The following TGM1 variants were observed in gnomAD, a reference collection of about 807,000 sequenced individuals.
The protein encoded by TGM1 is protein-glutamine gamma-glutamyltransferase K.
A neutral mutation model predicts 88.7 loss-of-function variants in TGM1; 63 were observed. That is an observed-to-expected ratio of 0.71 (90% CI 0.58 to 0.88). The LOEUF is 0.88. Ranked by LOEUF, TGM1 falls within the 40% of genes least tolerant of loss-of-function variation. The pLI is 0.00. For missense variants in TGM1, 996 were observed against 1,118.0 expected, an observed-to-expected ratio of 0.89 and a Z score of 1.56; for synonymous variants, 415 against 431.1, an observed-to-expected ratio of 0.96 and a Z score of 0.46.
At position 24,259,552 on chromosome 14, in the gene TGM1, G is replaced by A; in HGVS notation, c.984+152C>T. On this transcript the variant is annotated intron_variant, in intron 6 of 14. Transcript: ENST00000206765. This position sits in a 1 kb window ranked among gnomAD's most constrained non-coding sequence, Gnocchi z 5.7. ...GGTGGGGGGCAGGCAAGGGAGAGAA[G>A]AGGAGGGAGACCCCTTCCTGAAGTA... 1 of 745,808 alleles carries A rather than the reference G, an allele frequency of 1.3e-6. No homozygotes were observed. The highest frequency in any genetic ancestry group is 2.3e-6 in the Non-Finnish European group (1 of 431,140). The allele number at this position is 745,808 out of a possible 1,614,324, so 46.2% of individuals were successfully genotyped here.
At chr14:24,262,865 C>T (rs1234552201) in intron 1 of TGM1, among the ~76,000 whole-genome samples, 1 of 152,254 alleles carries the variant, frequency 6.6e-6, no homozygotes, top group Non-Finnish European at 1.5e-5. Flanking sequence ...CCTTGGCATT[C>T]CCAAGTCAGG....
At chr14:24,258,442 AG>A in intron 8 of TGM1, 54 bp from the exon 9 acceptor site, 1 of 1,612,846 alleles carries the variant, frequency 6.2e-7, no homozygotes, top group Non-Finnish European at 8.5e-7. Context: ...AGGAGTCCTC[AG>A]TTTCCCCAGC....
chr14:24,255,238 C>A lies in TGM1; in HGVS notation c.1661G>T (p.Arg554Leu), dbSNP rs372839534. The change falls in exon 12 of 15, where the codon CGG (arginine) becomes CTG (leucine). Residue 554 changes from arginine to leucine, a missense_variant. Coordinates refer to ENST00000206765, the MANE Select transcript of TGM1 (RefSeq NM_000359.3). The surrounding 1 kb of genome is among the most constrained non-coding windows in gnomAD (Gnocchi z 4.0). ...YKHPEGSDAE[R>L]KAVETAAAHG... ...GGCTGCTGCTGTCTCTACTGCCTTC[C>A]GCTCTGCGTCTGAGCCTGGGGGTTG... is the stretch of plus-strand genomic sequence containing the variant. 37 of 1,613,800 alleles carry A rather than the reference C, an allele frequency of 2.3e-5. 2 individuals are homozygous for A. In the South Asian group the frequency reaches 3.8e-4, roughly 17 times the overall value.
chr14:24,250,060 T>G lies in TGM1; in HGVS notation c.2226-519A>C, dbSNP rs544552839. 2.2e-4 allele frequency among the ~76,000 whole-genome samples: 34 copies of G among 151,912 alleles called. No homozygotes were observed. The South Asian group carries it at 6.3e-3, about 28-fold the overall frequency. Reference sequence around the variant, plus strand: ...AGAGCATTTTCACACACCAAAACATTAGAAGGATGTTATCTTTGAAAAAAA... The same window carrying G: ...AGAGCATTTTCACACACCAAAACATGAGAAGGATGTTATCTTTGAAAAAAA... On this transcript the variant is annotated intron_variant, in intron 14 of 14. Coordinates refer to ENST00000206765, the MANE Select transcript of TGM1 (RefSeq NM_000359.3).
Position 24,259,574 on chromosome 14 carries a change from A to G in TGM1, c.984+130T>C. On this transcript the variant is annotated intron_variant, in intron 6 of 14. Transcript: ENST00000206765. This position sits in a 1 kb window ranked among gnomAD's most constrained non-coding sequence, Gnocchi z 5.7. ...GAAGAGGAGGGAGACCCCTTCCTGA[A>G]GTATCCTTTACGAGGGCAGGGACAG... 1.2e-6 allele frequency: 1 copy of G among 810,210 alleles called. No individual in the cohort carries two copies. Among genetic ancestry groups the G allele is most frequent in the Non-Finnish European group, 2.1e-6 (1 of 484,958 alleles). 50.2% of individuals were successfully genotyped at this position (810,210 alleles called of 1,614,324 possible).
At chr14:24,251,719 C>T (rs41293840) in intron 14 of TGM1, among the ~76,000 whole-genome samples, 1 of 152,316 alleles carries the variant, frequency 6.6e-6, no homozygotes, top group East Asian at 1.9e-4. Context: ...GCCATTTAAA[C>T]CATACACACA....
Position 24,254,658 on chromosome 14 carries a change from A to C in TGM1, c.2088+6T>G. 6.2e-7 allele frequency: 1 copy of C among 1,613,738 alleles called. No individual in the cohort carries two copies. Among genetic ancestry groups the C allele is most frequent in the Non-Finnish European group, 8.5e-7 (1 of 1,180,024 alleles). On this transcript the variant is annotated splice_donor_region_variant and intron_variant, in intron 13 of 14. Coordinates refer to ENST00000206765, the MANE Select transcript of TGM1 (RefSeq NM_000359.3). ...CACCCCTCATGCCCCAGCAAACTGCATTCACCGTGAGGGAGAGGTCTGGGG... is the reference window on the plus strand; with the variant it reads ...CACCCCTCATGCCCCAGCAAACTGCCTTCACCGTGAGGGAGAGGTCTGGGG...
rs1184152181 is a variant in TGM1, at chr14:24,260,039, G to T, written c.777C>A (p.Asp259Glu). Residue 259 changes from aspartate to glutamate, a missense_variant, in exon 5 of 15, where the codon GAC becomes GAA. By Grantham distance (45) the Asp-to-Glu change is conservative. Transcript: ENST00000206765. ...PWCPEDIVYV[D>E]HEDWRQEYVL... is the part of the protein sequence containing the mutation. ...CATACTCCTGCCGCCAATCCTCATG[G>T]TCCACGTACACAATGTCCTCTGTGT... 1 of 1,614,120 alleles carries T rather than the reference G, an allele frequency of 6.2e-7. No individual in the cohort carries two copies. Among genetic ancestry groups the T allele is most frequent in the Non-Finnish European group, 8.5e-7 (1 of 1,180,002 alleles).
chr14:24,261,957 C>T (rs558026698), intron 2 of TGM1, 74 bp from the exon 3 acceptor site: 3 of 1,609,892 alleles, frequency 1.9e-6, no homozygotes, highest in Middle Eastern at 1.6e-4. Flanking sequence ...TCCTATCCCC[C>T]CCAGAAATGC....
At position 24,262,056 on chromosome 14, in the gene TGM1, T is replaced by G; in HGVS notation, c.297A>C (p.Ala99=). The change falls in exon 2 of 15, where the codon GCA becomes GCC. Residue 99 remains alanine (A), a synonymous_variant. Transcript: ENST00000206765. Reference sequence around the variant, plus strand: ...CACCTCGGATGGTGCCATCTCCAGCTGCATTGACACCGCTGCCCCGGGATA... The same window carrying G: ...CACCTCGGATGGTGCCATCTCCAGCGGCATTGACACCGCTGCCCCGGGATA... ...RPVSRGSGVN[A]AGDGTIREGM... 1 of 1,613,664 alleles carries G rather than the reference T, an allele frequency of 6.2e-7. No homozygotes were observed. Among genetic ancestry groups the G allele is most frequent in the Non-Finnish European group, 8.5e-7 (1 of 1,180,030 alleles).
Position 24,257,860 on chromosome 14 carries a change from G to A in TGM1, c.1402+425C>T, listed in dbSNP as rs2139022684. Among the ~76,000 whole-genome samples, 2 of 152,136 alleles carry A rather than the reference G, an allele frequency of 1.3e-5. 1 individual carries two copies. The highest frequency in any genetic ancestry group is 6.8e-3 in the Middle Eastern group (2 of 294). On this transcript the variant is annotated intron_variant, in intron 9 of 14. Transcript: ENST00000206765. Reference sequence around the variant, plus strand: ...AGAATAGGGAAGCTTTACATTTTGTGTTGTTCAATTCTATACTTTTTTTTT... The same window carrying A: ...AGAATAGGGAAGCTTTACATTTTGTATTGTTCAATTCTATACTTTTTTTTT...
At position 24,259,025 on chromosome 14, in the gene TGM1, C is replaced by T. The variant is rs765997242; in HGVS notation, c.1159+50G>A. ...AGGGCTGGGTAAGCCTGGCTTTCCT[C>T]CCTTCTCCCTGTAGGGCCCGGGCCA... On this transcript the variant is annotated intron_variant, in intron 7 of 14. Coordinates refer to ENST00000206765, the MANE Select transcript of TGM1 (RefSeq NM_000359.3). The surrounding 1 kb of genome is among the most constrained non-coding windows in gnomAD (Gnocchi z 5.7). The T allele has an allele frequency of 1.2e-6, 2 of 1,608,510 alleles. No individual in the cohort carries two copies. Among genetic ancestry groups the T allele is most frequent in the Non-Finnish European group, 1.7e-6 (2 of 1,177,202 alleles).
rs1280325730 is a variant in TGM1, at chr14:24,255,068, T to G, written c.1831A>C (p.Lys611Gln). The G allele has an allele frequency of 6.2e-7, 1 of 1,614,176 alleles. No homozygotes were observed. Among genetic ancestry groups the G allele is most frequent in the East Asian group, 2.2e-5 (1 of 44,886 alleles). Residue 611 changes from lysine to glutamine, a missense_variant, in exon 12 of 15, where the codon AAA (lysine) becomes CAA (glutamine). Transcript: ENST00000206765. This position sits in a 1 kb window ranked among gnomAD's most constrained non-coding sequence, Gnocchi z 4.0. ...GTGACTGAGAGGTAGAGGTGCAGTT[T>G]CACTGTGCGGCGGCTGCTGCTGTGA... ...INHSSSRRTV[K>Q]LHLYLSVTFY...
At position 24,259,627 on chromosome 14, in the gene TGM1, A is replaced by AG; in HGVS notation, c.984+76dup. On this transcript the variant is annotated intron_variant, in intron 6 of 14. Coordinates refer to ENST00000206765, the MANE Select transcript of TGM1 (RefSeq NM_000359.3). This position sits in a 1 kb window ranked among gnomAD's most constrained non-coding sequence, Gnocchi z 5.7. ...CTGGGGGTTCTTGAGGAATCCAGAA[A>AG]GGGCAGGAGGAGGGTGGGGGTGTGG... 8.0e-7 allele frequency: 1 copy of AG among 1,249,248 alleles called. No homozygotes were observed. The highest frequency in any genetic ancestry group is 1.1e-6 in the Non-Finnish European group (1 of 872,490). The allele number at this position is 1,249,248 out of a possible 1,614,324, so 77.4% of individuals were successfully genotyped here. A position where few individuals can be genotyped will look rare whatever the true frequency, so the allele number is the denominator to read the frequency against.
Position 24,259,273 on chromosome 14 carries a change from G to A in TGM1, c.985-24C>T, listed in dbSNP as rs1174413396. 1.9e-6 allele frequency: 3 copies of A among 1,600,980 alleles called. No individual in the cohort carries two copies. Among genetic ancestry groups the A allele is most frequent in the Non-Finnish European group, 2.6e-6 (3 of 1,173,826 alleles). ...ACCTGCCCAGGACAGGATGAGATAG[G>A]GCGGAGGTGGAGGAGGGGCTCAGGA... is the stretch of plus-strand genomic sequence containing the variant. On this transcript the variant is annotated intron_variant, in intron 6 of 14. Coordinates refer to ENST00000206765, the MANE Select transcript of TGM1 (RefSeq NM_000359.3). This position sits in a 1 kb window ranked among gnomAD's most constrained non-coding sequence, Gnocchi z 5.7.
intron 9 of TGM1, among the ~76,000 whole-genome samples, chr14:24,256,923 T>A (rs996855100): frequency 6.6e-6 from 1 of 152,178 alleles, no homozygotes; most frequent in African/African-American, 2.4e-5. Context: ...ATCCTCCCAA[T>A]CACCATATAT....
chr14:24,257,482 T>C (rs1488023692), intron 9 of TGM1, among the ~76,000 whole-genome samples: 4 of 152,256 alleles, frequency 2.6e-5, no homozygotes, highest in Non-Finnish European at 5.9e-5. Flanking sequence ...TATTTTCTTC[T>C]TTGAACCTAT....
At chr14:24,253,327 G>A (rs903424651) in intron 14 of TGM1, among the ~76,000 whole-genome samples, 1 of 152,224 alleles carries the variant, frequency 6.6e-6, no homozygotes, top group Non-Finnish European at 1.5e-5. Context: ...CTGCTTTACA[G>A]GTGAGAACAC....
In TGM1 at chr14:24,259,803, G is replaced by A. The variant is rs186352813; in HGVS notation, c.885C>T (p.His295=). ...TGTATAAGCAGGCATCCAGCACCCC[G>A]TGGTCAAACTGGAAGGAGGGATGGA... ...ERTWNYGQFD[H]GVLDACLYIL... is the part of the protein sequence containing the mutation. The change falls in exon 6 of 15, where the codon CAC becomes CAT. Residue 295 remains histidine, a synonymous_variant. Coordinates refer to ENST00000206765, the MANE Select transcript of TGM1 (RefSeq NM_000359.3). The surrounding 1 kb of genome is among the most constrained non-coding windows in gnomAD (Gnocchi z 5.7). 108 of 1,613,070 alleles carry A rather than the reference G, an allele frequency of 6.7e-5. No homozygotes were observed. The East Asian group carries it at 1.8e-3, about 28-fold the overall frequency.
Sources: allele counts gnomAD v4.1 joint callset (sites outside exome capture counted in the v4.1 genomes callset), GRCh38; gene constraint gnomAD v4.1.1; non-coding constraint Gnocchi (gnomAD v3.1); transcripts MANE v1.5; gene names NCBI Gene and HGNC (gene_info 2026-07-23, HGNC 2026-07-21).